OS9: variants seen among roughly 807,000 people sequenced by gnomAD.
The protein encoded by OS9 is protein OS-9.
OS9 carries 58 observed loss-of-function variants against 84.7 expected under a neutral mutation model. The ratio of observed to expected loss-of-function variants is 0.68; its 90% confidence interval spans 0.55 to 0.85. The LOEUF (loss-of-function observed/expected upper bound fraction) is 0.85. Ranked by LOEUF, OS9 falls within the 40% of genes least tolerant of loss-of-function variation. The pLI, the probability that OS9 is intolerant of heterozygous loss-of-function variation, is 0.00. For missense variants in OS9, 760 were observed against 850.9 expected (o/e 0.89, Z 1.33); for synonymous variants, 278 against 320.8 (o/e 0.87, Z 1.43).
intron 5 of OS9, 133 bp downstream of exon 5, chr12:57,696,506 A>T: frequency 1.8e-6 from 1 of 545,936 alleles, no homozygotes; most frequent in East Asian, 3.8e-5. Context: ...AGTTTAAAAC[A>T]TATTTCCAGC....
At chr12:57,709,008 G>C (rs1954253228) in intron 5 of OS9, among the ~76,000 whole-genome samples, 1 of 152,174 alleles carries the variant, frequency 6.6e-6, no homozygotes, top group South Asian at 2.1e-4. Context: ...AGGCATCAGA[G>C]AAAGAATGAT....
chr12:57,716,058 G>A, intron 6 of OS9, 34 bp from the exon 7 acceptor site: 1 of 1,597,660 alleles, frequency 6.3e-7, no homozygotes, highest in Non-Finnish European at 8.6e-7. Context: ...GGAGGAATGT[G>A]TTCCTGGCCT....
intron 12 of OS9, 75 bp from the exon 13 acceptor site, chr12:57,720,024 G>A: frequency 7.3e-7 from 1 of 1,375,100 alleles, no homozygotes; most frequent in Non-Finnish European, 1.0e-6. Context: ...TGTTTTAGGG[G>A]GAGATGACCC....
chr12:57,694,397 C>A, intron 1 of OS9, 74 bp downstream of exon 1: 1 of 1,506,304 alleles, frequency 6.6e-7, no homozygotes. Flanking sequence ...AAGGGCAGCT[C>A]CGGAGTCTGG....
chr12:57,705,481 C>A (rs1411002276), intron 5 of OS9, among the ~76,000 whole-genome samples: 11 of 151,948 alleles, frequency 7.2e-5, no homozygotes. Context: ...ACATACAGGA[C>A]CTTATAGTTT....
chr12:57,720,469 T>C lies in OS9; in HGVS notation c.1829T>C (p.Leu610Pro), dbSNP rs998018813. 4 of 1,614,102 alleles carry C rather than the reference T, an allele frequency of 2.5e-6. No individual in the cohort carries two copies. In the African/African-American group the frequency reaches 5.3e-5, roughly 22 times the overall value. The part of the protein sequence containing the change: ...AEGTEEGARW[L>P]TDEDTRNLKE... ...GGGACTGAAGAGGGTGCACGTTGGC[T>C]GACTGATGAGGACACGAGAAACCTC... Residue 610 changes from leucine (L) to proline (P), a missense_variant, in exon 14 of 15, where the codon CTG (leucine) becomes CCG (proline). Transcript: ENST00000315970.
At chr12:57,708,302 A>T (rs1271980843) in intron 5 of OS9, among the ~76,000 whole-genome samples, 2 of 151,682 alleles carry the variant, frequency 1.3e-5, no homozygotes, top group East Asian at 3.9e-4. Context: ...ATATAAGCAT[A>T]TATCTTTGCA....
chr12:57,694,637 T>G, intron 1 of OS9, 113 bp from the exon 2 acceptor site: 1 of 1,118,278 alleles, frequency 8.9e-7, no homozygotes, highest in Non-Finnish European at 1.3e-6. Context: ...GGCTTATGGC[T>G]TATTCTGTCT....
rs1318107858 is a variant in OS9, at chr12:57,697,908, AACACACACACACACATACACACAC to A, written c.579+1551_579+1574del. Among the ~76,000 whole-genome samples, 396 of 75,240 alleles carry A rather than the reference AACACACACACACACATACACACAC, an allele frequency of 5.3e-3. 19 individuals are homozygous for A. The highest frequency in any genetic ancestry group is 3.5e-3 in the Non-Finnish European group (129 of 37,154). 49.4% of individuals were successfully genotyped at this position (75,240 alleles called of 152,430 possible). ...ACACACACGGAACCTAACATAAGCA[AACACACACACACACATACACACAC>A]ACACACACACACACACACACACACA... On this transcript the variant is annotated intron_variant, in intron 5 of 14. Coordinates refer to ENST00000315970, the MANE Select transcript of OS9 (RefSeq NM_006812.4).
At chr12:57,694,726 C>G in intron 1 of OS9, 24 bp from the exon 2 acceptor site, 1 of 1,612,312 alleles carries the variant, frequency 6.2e-7, no homozygotes, top group South Asian at 1.1e-5. Context: ...CTTCCTTGCC[C>G]CCCGACCCTC....
chr12:57,717,666 G>A (rs1482707333), intron 9 of OS9, among the ~76,000 whole-genome samples: 2 of 151,762 alleles, frequency 1.3e-5, no homozygotes, highest in Admixed American at 6.6e-5. Flanking sequence ...GGTGGCAGGC[G>A]CCTGTAATCC....
At chr12:57,719,962 G>T in intron 12 of OS9, 137 bp from the exon 13 acceptor site, 1 of 782,978 alleles carries the variant, frequency 1.3e-6, no homozygotes, top group Non-Finnish European at 2.1e-6. Context: ...ACATTTTTTT[G>T]AGCCCTGGCT....
chr12:57,699,503 C>T (rs1235078200), intron 5 of OS9, among the ~76,000 whole-genome samples: 2 of 152,130 alleles, frequency 1.3e-5, no homozygotes, highest in Non-Finnish European at 2.9e-5. Flanking sequence ...AGGAAGGACA[C>T]ATTTGAAGGG....
chr12:57,720,982 C>G lies in OS9; in HGVS notation c.*73C>G, dbSNP rs1308861588. 9 of 1,557,732 alleles carry G rather than the reference C, an allele frequency of 5.8e-6. No homozygotes were observed. The highest frequency in any genetic ancestry group is 1.1e-5 in the South Asian group (1 of 88,502). On this transcript the variant is annotated 3_prime_UTR_variant, in exon 15 of 15. Transcript: ENST00000315970. ...CTGGCTTGCCTCCTCCCCACCTCCC[C>G]ACCCTGGAACCCCTGAGGGCCAAAC... is the stretch of plus-strand genomic sequence containing the variant.
chr12:57,697,862 AACACACACACAC>A (rs71084786), intron 5 of OS9, among the ~76,000 whole-genome samples: 1 of 116,456 alleles, frequency 8.6e-6, no homozygotes, highest in East Asian at 2.3e-4. Flanking sequence ...AACATAAGCA[AACACACACACAC>A]ACACACACAC....
rs1393855112 is a variant in OS9, at chr12:57,703,512, C to T, written c.579+7139C>T. Among the ~76,000 whole-genome samples, 3 of 152,180 alleles carry T rather than the reference C, an allele frequency of 2.0e-5. No individual in the cohort carries two copies. The East Asian group carries it at 5.8e-4, about 29-fold the overall frequency. ...GGCATCGTTTGTTGAAAAGACTGTC[C>T]TTTCCCCATGGAATATTCTTGGTAT... is the stretch of plus-strand genomic sequence containing the variant. On this transcript the variant is annotated intron_variant, in intron 5 of 14. Transcript: ENST00000315970.
At position 57,720,123 on chromosome 12, in the gene OS9, G is replaced by A. The variant is rs376997013; in HGVS notation, c.1625G>A (p.Arg542Gln). ...GAGGAGGATCCTGAGCACAGAGTCC[G>A]GGTCCGGGTCACCAAGCTCCGTCTC... ...PTEEDPEHRV[R>Q]VRVTKLRLGG... The change falls in exon 13 of 15, where the codon CGG (arginine) becomes CAG (glutamine). Residue 542 changes from arginine (R) to glutamine (Q), a missense_variant. Arg to Gln is a conservative substitution (Grantham distance 43, BLOSUM62 1). Coordinates refer to ENST00000315970, the MANE Select transcript of OS9 (RefSeq NM_006812.4). The A allele has an allele frequency of 1.6e-5, 26 of 1,613,916 alleles. No individual in the cohort carries two copies. The highest frequency in any genetic ancestry group is 1.9e-5 in the Non-Finnish European group (23 of 1,180,016).
In OS9 at chr12:57,718,168, A is replaced by T; in HGVS notation, c.1157A>T (p.Glu386Val). 1.2e-6 allele frequency: 2 copies of T among 1,614,068 alleles called. No homozygotes were observed. Among genetic ancestry groups the T allele is most frequent in the Non-Finnish European group, 1.7e-6 (2 of 1,179,968 alleles). The change falls in exon 11 of 15, where the codon GAG becomes GTG. Residue 386 changes from glutamate to valine, a missense_variant. Transcript: ENST00000315970. ...TKKGKPNIGQ[E>V]QPVDDAAEVP... ...CAGGGGAAGCCAAATATAGGCCAAG[A>T]GCAGCCTGTGGATGATGCTGCAGAA...
At chr12:57,719,920 C>G in intron 12 of OS9, 179 bp from the exon 13 acceptor site, 1 of 584,574 alleles carries the variant, frequency 1.7e-6, no homozygotes, top group Non-Finnish European at 3.0e-6. Context: ...GTGGAGGGAG[C>G]TCTACAGGCT....
Sources: allele counts gnomAD v4.1 joint callset (sites outside exome capture counted in the v4.1 genomes callset), GRCh38; gene constraint gnomAD v4.1.1; transcripts MANE v1.5; gene names NCBI Gene and HGNC (gene_info 2026-07-23, HGNC 2026-07-21).